Variants in MRC1 observed in about 807,000 individuals in gnomAD.
The protein encoded by MRC1 is mannose receptor C-type 1, also known as macrophage mannose receptor 1.
A neutral mutation model predicts 102.9 loss-of-function variants in MRC1; 62 were observed. The observed-to-expected ratio is 0.60, with a 90% CI of 0.49 to 0.74. MRC1 has a LOEUF of 0.74. Ranked by LOEUF, MRC1 falls within the 30% of genes least tolerant of loss-of-function variation. The pLI, the probability that MRC1 is intolerant of heterozygous loss-of-function variation, is 0.00. For synonymous variants in MRC1, 457 were observed against 298.4 expected, an observed-to-expected ratio of 1.53 and a Z score of -5.48; for missense variants, 1,237 against 862.8, an observed-to-expected ratio of 1.43 and a Z score of -5.43.
chr10:17,856,169 CAA>C (rs1243445821), intron 8 of MRC1, 71 bp from the exon 9 acceptor site: 35,671 of 456,952 alleles, frequency 0.078, no homozygotes, highest in Middle Eastern at 0.1. Flanking sequence ...GACACTGTCT[CAA>C]AAAAAAAAAA....
chr10:17,903,609 T>A (rs1170222070), intron 26 of MRC1, among the ~76,000 whole-genome samples: 3 of 152,150 alleles, frequency 2.0e-5, no homozygotes, highest in South Asian at 2.1e-4. Flanking sequence ...TTGGTCAGGC[T>A]GTTTTCGAAC....
chr10:17,819,449 T>TTGTG (rs1435126761), intron 1 of MRC1, among the ~76,000 whole-genome samples: 1 of 98,968 alleles, frequency 1.0e-5, no homozygotes, highest in African/African-American at 4.6e-5. Flanking sequence ...GAATTCAGAG[T>TTGTG]TGTATGTGTG....
Position 17,898,029 on chromosome 10 carries a change from T to A in MRC1, c.3251-5T>A, listed in dbSNP as rs1833779105. ...AATGCTAATGAAAATAATGTTTTTA[T>A]CTAGACCCTTCCTTGACTAATCCTC... On this transcript the variant is annotated splice_region_variant and splice_polypyrimidine_tract_variant and intron_variant, in intron 23 of 29. Coordinates refer to ENST00000569591, the MANE Select transcript of MRC1 (RefSeq NM_002438.4). 5.1e-6 allele frequency: 4 copies of A among 780,748 alleles called. No homozygotes were observed. The highest frequency in any genetic ancestry group is 9.6e-6 in the Non-Finnish European group (4 of 417,952). The allele number at this position is 780,748 out of a possible 1,614,324, so 48.4% of individuals were successfully genotyped here. A position where few individuals can be genotyped will look rare whatever the true frequency, so the allele number is the denominator to read the frequency against.
At chr10:17,844,571 A>G (rs1589174416) in intron 5 of MRC1, among the ~76,000 whole-genome samples, 1 of 152,106 alleles carries the variant, frequency 6.6e-6, no homozygotes, top group Non-Finnish European at 1.5e-5. Flanking sequence ...CTTTCTTTTT[A>G]ATAAATTCTA....
chr10:17,842,496 C>T (rs1838766719), intron 5 of MRC1, among the ~76,000 whole-genome samples: 1 of 152,036 alleles, frequency 6.6e-6, no homozygotes, highest in African/African-American at 2.4e-5. Context: ...TTTTCTGGAA[C>T]ATGGAAGGTA....
At chr10:17,874,128 G>A (rs1211570115) in intron 16 of MRC1, among the ~76,000 whole-genome samples, 28 of 152,180 alleles carry the variant, frequency 1.8e-4, no homozygotes, top group Admixed American at 1.3e-3. Flanking sequence ...CAGGAACTTG[G>A]TGGCTTAAAA....
At chr10:17,877,820 C>T (rs1833457817) in intron 17 of MRC1, 80 bp from the exon 18 acceptor site, 1 of 862,596 alleles carries the variant, frequency 1.2e-6, no homozygotes, top group Non-Finnish European at 2.0e-6. Context: ...TAGGCTGCCT[C>T]ATTAACATGT....
chr10:17,890,878 C>G (rs947053954), intron 22 of MRC1, among the ~76,000 whole-genome samples: 1 of 152,090 alleles, frequency 6.6e-6, no homozygotes, highest in African/African-American at 2.4e-5. Context: ...TATTTACAGC[C>G]GTTCCTCGTC....
At chr10:17,827,457 A>G (rs1838498382) in intron 2 of MRC1, 85 bp from the exon 3 acceptor site, 1 of 722,410 alleles carries the variant, frequency 1.4e-6, no homozygotes, top group Non-Finnish European at 2.6e-6. Context: ...CAGTAAGACC[A>G]ATTCCTTCAG....
chr10:17,902,473 T>C (rs1300189534), intron 26 of MRC1, among the ~76,000 whole-genome samples: 1 of 152,204 alleles, frequency 6.6e-6, no homozygotes, highest in African/African-American at 2.4e-5. Context: ...GGAACTGTTT[T>C]GTTGTACCAT....
rs550145852 is a variant in MRC1 at position 17,817,727 on chromosome 10, T to G, written c.62-5347T>G. The stretch of plus-strand genomic sequence containing the variant: ...CAGAGAAATTAAAACAGATCGACTG[T>G]GTCGATCTGTTCATCTTTGCCGTAT... On this transcript the variant is annotated intron_variant, in intron 1 of 29. Coordinates refer to ENST00000569591, the MANE Select transcript of MRC1 (RefSeq NM_002438.4). 3.4e-3 allele frequency among the ~76,000 whole-genome samples: 517 copies of G among 152,300 alleles called. 3 individuals are homozygous for G. Among genetic ancestry groups the G allele is most frequent in the African/African-American group, 0.012 (481 of 41,568 alleles).
intron 3 of MRC1, among the ~76,000 whole-genome samples, chr10:17,831,033 C>T (rs905475899): frequency 2.3e-4 from 34 of 148,230 alleles, no homozygotes; most frequent in Admixed American, 5.4e-4. Context: ...GGATTACAGG[C>T]GCGTGCCACC....
At chr10:17,850,921 C>T (rs1343180356) in intron 7 of MRC1, among the ~76,000 whole-genome samples, 1 of 152,160 alleles carries the variant, frequency 6.6e-6, no homozygotes, top group Non-Finnish European at 1.5e-5. Flanking sequence ...TGTCTTAGGC[C>T]ACGAGAATAG....
intron 9 of MRC1, among the ~76,000 whole-genome samples, chr10:17,858,565 G>C (rs1429997215): frequency 6.6e-6 from 1 of 152,140 alleles, no homozygotes; most frequent in African/African-American, 2.4e-5. Context: ...TTAGCTCACT[G>C]CAACCTCCGC....
chr10:17,829,448 T>C (rs1003928981), intron 3 of MRC1, among the ~76,000 whole-genome samples: 6 of 151,438 alleles, frequency 4.0e-5, no homozygotes, highest in Admixed American at 6.6e-5. Flanking sequence ...CAAAAGCCCA[T>C]AGGCTTTCTG....
rs1239602141 is a variant in MRC1 at position 17,863,388 on chromosome 10, G to T, written c.1635-146G>T. On this transcript the variant is annotated intron_variant, in intron 10 of 29. Coordinates refer to ENST00000569591, the MANE Select transcript of MRC1 (RefSeq NM_002438.4). ...TGGTGACAATGTGTATAATGTAGAT[G>T]ACATACAAATATAACACAATATATT... is the stretch of plus-strand genomic sequence containing the variant. 15 of 671,352 alleles carry T rather than the reference G, an allele frequency of 2.2e-5. No individual in the cohort carries two copies. The African/African-American group carries it at 2.5e-4, about 11-fold the overall frequency. The allele number at this position is 671,352 out of a possible 1,614,324, so 41.6% of individuals were successfully genotyped here.
intron 1 of MRC1, among the ~76,000 whole-genome samples, chr10:17,814,703 T>TTG (rs1491276282): frequency 8.7e-6 from 1 of 114,340 alleles, no homozygotes; most frequent in African/African-American, 3.2e-5. Flanking sequence ...TTTTTTTTTT[T>TTG]GAGACAGAGT....
chr10:17,849,504 A>T, intron 6 of MRC1, 75 bp from the exon 7 acceptor site: 1 of 735,436 alleles, frequency 1.4e-6, no homozygotes. Context: ...TGTATTATAT[A>T]AAATGATTAA....
At chr10:17,902,187 A>G (rs1287604329) in intron 26 of MRC1, 65 bp downstream of exon 26, 1 of 714,896 alleles carries the variant, frequency 1.4e-6, no homozygotes, top group Admixed American at 2.2e-5. Flanking sequence ...CTGACACTAT[A>G]CATGAAATAT....
Sources: gnomAD v4.1 joint callset for allele counts (sites outside exome capture counted in the v4.1 genomes callset) on GRCh38, gnomAD v4.1.1 for gene constraint, MANE v1.5 for transcripts, NCBI Gene and HGNC (gene_info 2026-07-23, HGNC 2026-07-21) for gene names.